NEB: variants seen among roughly 807,000 people sequenced by gnomAD.
NEB encodes the protein nemaline myopathy type 2.
Under a neutral mutation model 952.2 loss-of-function variants are expected in NEB, and 512 were observed. That is an observed-to-expected ratio of 0.54 (90% CI 0.50 to 0.58). The LOEUF is 0.58. NEB is among the 20% of genes least tolerant of loss of function. The pLI, the probability that NEB is intolerant of heterozygous loss-of-function variation, is 0.00. For synonymous variants in NEB, 2,900 were observed against 3,149.8 expected, an observed-to-expected ratio of 0.92 and a Z score of 2.66; for missense variants, 8,428 against 9,231.1, an observed-to-expected ratio of 0.91 and a Z score of 3.56.
chr2:151,688,293 T>A lies in NEB; in HGVS notation c.2414A>T (p.Asp805Val). 6.2e-7 allele frequency: 1 copy of A among 1,606,528 alleles called. No homozygotes were observed. Among genetic ancestry groups the A allele is most frequent in the Non-Finnish European group, 8.5e-7 (1 of 1,173,250 alleles). Residue 805 changes from aspartate to valine, a missense_variant and splice_region_variant, in exon 25 of 182, where the codon GAT (aspartate) becomes GTT (valine). Asp to Val is a radical substitution (Grantham distance 152). Around this residue, in one of 11 missense-constraint regions of NEB, gnomAD observed 2,851 missense variants for 2,791.5 expected, o/e 1.02. Coordinates refer to ENST00000397345, the MANE Select transcript of NEB (RefSeq NM_001164508.2). ...GGCTTCTGTGGCTTTGGTACTTACA[T>A]CACTCAGATTATAGGCATTGACTCT... is the stretch of plus-strand genomic sequence containing the variant. ...QHRVNAYNLS[D>V]NVYKQDWEKS...
chr2:151,487,921 A>G (rs1301050867), intron 181 of NEB, among the ~76,000 whole-genome samples: 1 of 152,056 alleles, frequency 6.6e-6, no homozygotes, highest in African/African-American at 2.4e-5. Flanking sequence ...TAATTTTTTA[A>G]GTTTTCTGTT....
chr2:151,554,402 A>G (rs1351738355), intron 125 of NEB, among the ~76,000 whole-genome samples: 2 of 152,002 alleles, frequency 1.3e-5, no homozygotes, highest in African/African-American at 4.8e-5. Flanking sequence ...TCGCTACAAA[A>G]AAAAACCTTA....
chr2:151,562,929 T>C (rs1007121039), intron 119 of NEB, 121 bp from the exon 120 acceptor site: 6 of 394,804 alleles, frequency 1.5e-5, no homozygotes, highest in South Asian at 1.3e-4. Flanking sequence ...AAGGTTAATA[T>C]ATACTTTATT....
At chr2:151,620,384 T>TAC (rs2098387014) in intron 72 of NEB, among the ~76,000 whole-genome samples, 1 of 128,616 alleles carries the variant, frequency 7.8e-6, no homozygotes, top group Admixed American at 8.2e-5. Context: ...TATATATATA[T>TAC]ATATATATTT....
intron 131 of NEB, 52 bp downstream of exon 131, chr2:151,548,256 G>C: frequency 7.2e-7 from 1 of 1,397,964 alleles, no homozygotes; most frequent in Non-Finnish European, 1.0e-6. Context: ...TTCAAACAAA[G>C]CCATGGCTAT....
At position 151,647,063 on chromosome 2, in the gene NEB, CAGA is replaced by C. The variant is rs1437794442; in HGVS notation, c.7432-832_7432-830del. On this transcript the variant is annotated intron_variant, in intron 54 of 181. Transcript: ENST00000397345. Reference sequence around the variant, plus strand: ...CAGAGCCATCCTTATGTCTCTTCAACAGAAGACAAGGGGATCCAAACAAAAGTT... The same window carrying C: ...CAGAGCCATCCTTATGTCTCTTCAACAGACAAGGGGATCCAAACAAAAGTT... Among the ~76,000 whole-genome samples the C allele has an allele frequency of 3.9e-5, 6 of 152,028 alleles. No homozygotes were observed. In the East Asian group the frequency reaches 1.2e-3, roughly 29 times the overall value.
intron 105 of NEB, among the ~76,000 whole-genome samples, chr2:151,578,940 G>A (rs1396494351): frequency 1.3e-5 from 2 of 150,586 alleles, no homozygotes; most frequent in African/African-American, 4.9e-5. Flanking sequence ...AAATCAGCTG[G>A]GTGTGGTGCA....
chr2:151,662,907 A>G (rs1334799268), intron 45 of NEB, among the ~76,000 whole-genome samples: 1 of 152,186 alleles, frequency 6.6e-6, no homozygotes, highest in African/African-American at 2.4e-5. Context: ...TCAGGCACTT[A>G]CTACCTCCCT....
Position 151,717,573 on chromosome 2 carries a change from T to C in NEB, c.718-53A>G, listed in dbSNP as rs2099762521. The C allele has an allele frequency of 2.3e-6, 3 of 1,302,018 alleles. No individual in the cohort carries two copies. In the Admixed American group the frequency reaches 5.5e-5, roughly 24 times the overall value. 80.7% of individuals were successfully genotyped at this position (1,302,018 alleles called of 1,614,324 possible). A position where few individuals can be genotyped will look rare whatever the true frequency, so the allele number is the denominator to read the frequency against. On this transcript the variant is annotated intron_variant, in intron 9 of 181. Coordinates refer to ENST00000397345, the MANE Select transcript of NEB (RefSeq NM_001164508.2). ...TTTAAAAACGATTATGCTTTCATCT[T>C]TATTTGAAGTCTTAAATTTTAGTGT...
At chr2:151,489,530 C>T (rs1292509796) in intron 181 of NEB, among the ~76,000 whole-genome samples, 2 of 152,130 alleles carry the variant, frequency 1.3e-5, no homozygotes, top group East Asian at 1.9e-4. Context: ...TCCTCAGTAG[C>T]TGGGGCTATA....
At chr2:151,664,449 C>A (rs535041729) in intron 44 of NEB, 52 bp downstream of exon 44, 2 of 1,316,802 alleles carry the variant, frequency 1.5e-6, no homozygotes, top group East Asian at 5.0e-5. Flanking sequence ...ACAAGCTTAG[C>A]GCATTTGTTC....
At chr2:151,680,590 C>T (rs1442591922) in intron 30 of NEB, 140 bp downstream of exon 30, 4 of 585,746 alleles carry the variant, frequency 6.8e-6, no homozygotes, top group African/African-American at 1.9e-5. Context: ...TATTAATGAA[C>T]AGCTGGGGAA....
At chr2:151,645,831 T>C (rs911480551) in intron 55 of NEB, among the ~76,000 whole-genome samples, 4 of 152,154 alleles carry the variant, frequency 2.6e-5, no homozygotes, top group Admixed American at 6.5e-5. Flanking sequence ...CAATAAGAAT[T>C]GCCTCTGCCT....
At chr2:151,566,038 T>A (rs1055219159) in intron 114 of NEB, among the ~76,000 whole-genome samples, 1 of 151,980 alleles carries the variant, frequency 6.6e-6, no homozygotes, top group Non-Finnish European at 1.5e-5. Context: ...AAAGAAGGAG[T>A]CTAGGAGTTG....
At chr2:151,620,440 A>G (rs933442188) in intron 72 of NEB, among the ~76,000 whole-genome samples, 1 of 146,492 alleles carries the variant, frequency 6.8e-6, no homozygotes, top group Admixed American at 6.8e-5. Flanking sequence ...GAACAATTTT[A>G]CTACTCTTGG....
intron 162 of NEB, among the ~76,000 whole-genome samples, chr2:151,507,268 A>G (rs1200284503): frequency 6.6e-6 from 1 of 152,242 alleles, no homozygotes; most frequent in East Asian, 1.9e-4. Flanking sequence ...TTTGAAAAAG[A>G]TAGATGTCTC....
chr2:151,664,401 C>A (rs973301883), intron 44 of NEB, 100 bp downstream of exon 44: 2 of 851,180 alleles, frequency 2.3e-6, no homozygotes, highest in Non-Finnish European at 1.7e-6. Context: ...GCATTCCCAC[C>A]AACCCTGAAT....
chr2:151,658,380 A>T (rs1470285974), intron 47 of NEB, among the ~76,000 whole-genome samples: 1 of 152,190 alleles, frequency 6.6e-6, no homozygotes, highest in Non-Finnish European at 1.5e-5. Flanking sequence ...ATTCTTATTG[A>T]TGCAAATAAG....
intron 2 of NEB, 108 bp from the exon 3 acceptor site, chr2:151,733,293 T>A: frequency 3.8e-6 from 3 of 790,356 alleles, no homozygotes; most frequent in Non-Finnish European, 6.0e-6. Flanking sequence ...TTGTACAAAT[T>A]CATATATTGT....
Sources: gnomAD v4.1 joint callset for allele counts (sites outside exome capture counted in the v4.1 genomes callset) on GRCh38, gnomAD v4.1.1 for gene constraint, gnomAD v4.1.1 regional missense constraint, MANE v1.5 for transcripts, NCBI Gene and HGNC (gene_info 2026-07-23, HGNC 2026-07-21) for gene names.